Variants in KIF21A observed in about 807,000 individuals in gnomAD.
The protein encoded by KIF21A is kinesin-like protein KIF21A.
Under a neutral mutation model 202.9 loss-of-function variants are expected in KIF21A, and 114 were observed. The observed-to-expected ratio is 0.56, with a 90% CI of 0.48 to 0.66. The LOEUF is 0.66. Among genes scored for constraint, KIF21A ranks in the 30% least tolerant of loss-of-function variants. The probability of loss-of-function intolerance (pLI) is 0.00; values close to 1 mark genes in which losing one functional copy is unlikely to be tolerated. For synonymous variants in KIF21A, 667 were observed against 670.8 expected, an observed-to-expected ratio of 0.99 and a Z score of 0.09; for missense variants, 1,677 against 1,994.9, an observed-to-expected ratio of 0.84 and a Z score of 3.04.
At position 39,342,091 on chromosome 12, in the gene KIF21A, G is replaced by T. The variant is rs777619166; in HGVS notation, c.1746C>A (p.Asp582Glu). ...VAGKEDNTDT[D>E]QEKKEEKGVS... ...CACCCTTTTCTTCTTTCTTCTCTTG[G>T]TCAGTGTCTGTATTATCCTCTTTAC... Residue 582 changes from aspartate to glutamate, a missense_variant, in exon 13 of 38, where the codon GAC becomes GAA. By Grantham distance (45) the Asp-to-Glu change is conservative. Around this residue, in one of 3 missense-constraint regions of KIF21A, gnomAD observed 966 missense variants for 1,180.9 expected, o/e 0.82. Transcript: ENST00000361418. 5.0e-6 allele frequency: 8 copies of T among 1,611,234 alleles called. No individual in the cohort carries two copies. In the African/African-American group the frequency reaches 1.1e-4, roughly 22 times the overall value.
At chr12:39,352,955 T>C (rs1948505958) in intron 10 of KIF21A, among the ~76,000 whole-genome samples, 1 of 152,258 alleles carries the variant, frequency 6.6e-6, no homozygotes, top group East Asian at 1.9e-4. Context: ...CCATCAAAAA[T>C]ACAATTATCT....
At chr12:39,384,244 T>C (rs1950798177) in intron 1 of KIF21A, among the ~76,000 whole-genome samples, 1 of 152,236 alleles carries the variant, frequency 6.6e-6, no homozygotes, top group Admixed American at 6.5e-5. Context: ...ATCTTAATAA[T>C]GATTATTAAG....
intron 1 of KIF21A, among the ~76,000 whole-genome samples, chr12:39,437,766 G>A (rs998314889): frequency 6.6e-6 from 1 of 152,146 alleles, no homozygotes; most frequent in African/African-American, 2.4e-5. Flanking sequence ...TGTTGTGGTA[G>A]GAAAGTGTCT....
chr12:39,349,078 A>C (rs555902590), intron 11 of KIF21A, among the ~76,000 whole-genome samples: 1 of 152,164 alleles, frequency 6.6e-6, no homozygotes, highest in East Asian at 1.9e-4. Context: ...GGACCACATA[A>C]GGGAGGAACG....
chr12:39,344,435 C>G (rs1301873108), intron 12 of KIF21A, among the ~76,000 whole-genome samples: 4 of 152,168 alleles, frequency 2.6e-5, no homozygotes, highest in African/African-American at 9.7e-5. Context: ...CCCTTTCTCA[C>G]CTGTGACTGC....
chr12:39,310,871 C>G (rs1943961798), intron 32 of KIF21A, among the ~76,000 whole-genome samples: 1 of 151,940 alleles, frequency 6.6e-6, no homozygotes, highest in Admixed American at 6.6e-5. Flanking sequence ...AAGGGTATAC[C>G]TAGGTTTCTA....
At position 39,309,632 on chromosome 12, in the gene KIF21A, T is replaced by C; in HGVS notation, c.4231A>G (p.Lys1411Glu). The C allele has an allele frequency of 6.2e-7, 1 of 1,613,108 alleles. No individual in the cohort carries two copies. Among genetic ancestry groups the C allele is most frequent in the Non-Finnish European group, 8.5e-7 (1 of 1,179,556 alleles). The change falls in exon 33 of 38, where the codon AAG (lysine) becomes GAG (glutamate). Residue 1411 changes from lysine (K) to glutamate (E), a missense_variant. Lys to Glu is a moderately conservative substitution (Grantham distance 56). This residue lies in a region of KIF21A where 705 missense variants were observed against 791.9 expected (regional missense o/e 0.89). Coordinates refer to ENST00000361418, the MANE Select transcript of KIF21A (RefSeq NM_001173464.2). ...GCTGAATCTCTGATATCCCACACCTTAATATAAGATGTTGATACAGTGAAG... is the reference window on the plus strand; with the variant it reads ...GCTGAATCTCTGATATCCCACACCTCAATATAAGATGTTGATACAGTGAAG... Reference protein sequence around the residue: ...LVFTVSTSYIKVWDIRDSAKC... With the variant: ...LVFTVSTSYIEVWDIRDSAKC...
In KIF21A at chr12:39,419,815, G is replaced by C. The variant is rs531236456; in HGVS notation, c.44+23112C>G. Among the ~76,000 whole-genome samples, 14 of 152,240 alleles carry C rather than the reference G, an allele frequency of 9.2e-5. 1 individual carries two copies. Among genetic ancestry groups the C allele is most frequent in the African/African-American group, 3.1e-4 (13 of 41,550 alleles). ...ACCTCTCCTGTGTCAAGACAAATGA[G>C]GGGGTGGCCAAAGATTTTACTTTCA... On this transcript the variant is annotated intron_variant, in intron 1 of 37. Coordinates refer to ENST00000361418, the MANE Select transcript of KIF21A (RefSeq NM_001173464.2).
intron 27 of KIF21A, among the ~76,000 whole-genome samples, chr12:39,321,043 T>G (rs1385030890): frequency 6.9e-6 from 1 of 145,588 alleles, no homozygotes; most frequent in Non-Finnish European, 1.5e-5. Flanking sequence ...AAGCAAAAAC[T>G]AAATGTAATT....
At chr12:39,315,347 G>C in intron 30 of KIF21A, 107 bp from the exon 31 acceptor site, 1 of 983,846 alleles carries the variant, frequency 1.0e-6, no homozygotes, top group Non-Finnish European at 1.6e-6. Context: ...GAAAGAGAAA[G>C]AGAAGTTAAG....
chr12:39,358,080 A>C, intron 8 of KIF21A, 98 bp downstream of exon 8: 11 of 1,054,186 alleles, frequency 1.0e-5, no homozygotes, highest in Non-Finnish European at 1.3e-5. Context: ...ATGACAACCA[A>C]GAGATTCCAG....
intron 16 of KIF21A, among the ~76,000 whole-genome samples, chr12:39,339,075 T>C (rs1205260039): frequency 1.3e-5 from 2 of 151,988 alleles, no homozygotes; most frequent in African/African-American, 4.8e-5. Flanking sequence ...GGTCAGGAGT[T>C]TGAGACCAGC....
rs1203076491 is a variant in KIF21A at position 39,324,115 on chromosome 12, A to G, written c.3457-1233T>C. On this transcript the variant is annotated intron_variant, in intron 26 of 37. Coordinates refer to ENST00000361418, the MANE Select transcript of KIF21A (RefSeq NM_001173464.2). ...ATAGAGCAAGACTCTGCCTCAAAAAAAAAAAGAAATGATACGAGATCCTTT... is the reference window on the plus strand; with the variant it reads ...ATAGAGCAAGACTCTGCCTCAAAAAGAAAAAGAAATGATACGAGATCCTTT... 2.0e-5 allele frequency among the ~76,000 whole-genome samples: 3 copies of G among 152,156 alleles called. No individual in the cohort carries two copies. In the East Asian group the frequency reaches 5.8e-4, roughly 29 times the overall value.
At chr12:39,380,296 T>G (rs11830525) in intron 1 of KIF21A, among the ~76,000 whole-genome samples, 1 of 152,074 alleles carries the variant, frequency 6.6e-6, no homozygotes, top group African/African-American at 2.4e-5. Flanking sequence ...GCACTACCAC[T>G]GTGTGATCAT....
intron 26 of KIF21A, 132 bp from the exon 27 acceptor site, chr12:39,323,014 AG>A: frequency 1.8e-6 from 1 of 550,602 alleles, no homozygotes; most frequent in Non-Finnish European, 2.9e-6. Flanking sequence ...TGCCAAACAT[AG>A]CATGTGAGAT....
chr12:39,339,857 T>A (rs1355730086), intron 16 of KIF21A, among the ~76,000 whole-genome samples: 1 of 152,214 alleles, frequency 6.6e-6, no homozygotes, highest in East Asian at 1.9e-4. Flanking sequence ...TGTTATTATG[T>A]ATGCTTTCTT....
At chr12:39,360,393 ATTT>A (rs201499236) in intron 7 of KIF21A, among the ~76,000 whole-genome samples, 2 of 145,180 alleles carry the variant, frequency 1.4e-5, no homozygotes. Context: ...TAGAAATATG[ATTT>A]TTTTTTTTTT....
At chr12:39,358,087 C>A (rs935245445) in intron 8 of KIF21A, 91 bp downstream of exon 8, 3 of 1,110,606 alleles carry the variant, frequency 2.7e-6, no homozygotes, top group Non-Finnish European at 4.1e-6. Context: ...CCAAGAGATT[C>A]CAGAAACACG....
intron 1 of KIF21A, among the ~76,000 whole-genome samples, chr12:39,409,362 T>C (rs1022017037): frequency 2.1e-5 from 3 of 144,838 alleles, no homozygotes; most frequent in Admixed American, 6.9e-5. Flanking sequence ...TCTACAAAAA[T>C]AAATAAATAA....
Sources: allele counts gnomAD v4.1 joint callset (sites outside exome capture counted in the v4.1 genomes callset), GRCh38; gene constraint gnomAD v4.1.1; regional missense constraint gnomAD v4.1.1; transcripts MANE v1.5; gene names NCBI Gene and HGNC (gene_info 2026-07-23, HGNC 2026-07-21).